TMEM45A: variants seen among roughly 807,000 people sequenced by gnomAD.
The protein encoded by TMEM45A is DNA polymerase-transactivated protein 4.
Under a neutral mutation model 32.0 loss-of-function variants are expected in TMEM45A, and 25 were observed. The ratio of observed to expected loss-of-function variants is 0.78; its 90% CI spans 0.57 to 1.09. The LOEUF is 1.09. Ranked by LOEUF, TMEM45A falls within the 50% of genes least tolerant of loss-of-function variation. The pLI, the probability that TMEM45A is intolerant of heterozygous loss-of-function variation, is 0.00. For missense variants in TMEM45A, 302 were observed against 325.0 expected (o/e 0.93, Z 0.54); for synonymous variants, 122 against 114.8 (o/e 1.06, Z -0.40).
chr3:100,507,371 T>C (rs1421311066), intron 1 of TMEM45A, among the ~76,000 whole-genome samples: 2 of 152,220 alleles, frequency 1.3e-5, no homozygotes, highest in Admixed American at 1.3e-4. Flanking sequence ...TCTTAAAATA[T>C]TGTAGCCCAG....
chr3:100,566,027 A>C (rs766686547), intron 4 of TMEM45A, among the ~76,000 whole-genome samples: 3 of 152,202 alleles, frequency 2.0e-5, no homozygotes, highest in Non-Finnish European at 4.4e-5. Flanking sequence ...ATCATAATAT[A>C]TGTGAACTTT....
chr3:100,549,420 G>A (rs1259469122), intron 1 of TMEM45A, among the ~76,000 whole-genome samples: 1 of 152,180 alleles, frequency 6.6e-6, no homozygotes, highest in African/African-American at 2.4e-5. Context: ...GCCTGCAAGA[G>A]TGGCAATATC....
At chr3:100,542,712 G>C (rs1336105608) in intron 1 of TMEM45A, among the ~76,000 whole-genome samples, 1 of 152,162 alleles carries the variant, frequency 6.6e-6, no homozygotes, top group Non-Finnish European at 1.5e-5. Context: ...CCATAAAAAG[G>C]AATGAAAATC....
chr3:100,535,867 T>C (rs542369123), intron 1 of TMEM45A, among the ~76,000 whole-genome samples: 43 of 152,314 alleles, frequency 2.8e-4, no homozygotes, highest in African/African-American at 9.4e-4. Context: ...AAAGTGAACA[T>C]GATCTTGGTT....
chr3:100,506,378 CA>C (rs1708081055), intron 1 of TMEM45A, among the ~76,000 whole-genome samples: 1 of 152,106 alleles, frequency 6.6e-6, no homozygotes, highest in Admixed American at 6.5e-5. Flanking sequence ...AATCCGGTGC[CA>C]AACAAGGTAA....
chr3:100,531,451 G>C (rs1705646415), intron 1 of TMEM45A, among the ~76,000 whole-genome samples: 2 of 152,306 alleles, frequency 1.3e-5, no homozygotes, highest in Non-Finnish European at 2.9e-5. Context: ...CTCAGAGCTG[G>C]AGTTTGCATT....
chr3:100,541,551 C>G (rs371348350), intron 1 of TMEM45A, among the ~76,000 whole-genome samples: 10 of 115,882 alleles, frequency 8.6e-5, no homozygotes, highest in African/African-American at 3.3e-4. Flanking sequence ...TTTTCTGAGA[C>G]AGGGTCTCAC....
chr3:100,568,864 G>T lies in TMEM45A; in HGVS notation c.631G>T (p.Asp211Tyr), dbSNP rs200191548. The T allele has an allele frequency of 1.2e-6, 2 of 1,613,636 alleles. No individual in the cohort carries two copies. Among genetic ancestry groups the T allele is most frequent in the African/African-American group, 1.3e-5 (1 of 74,898 alleles). The change falls in exon 5 of 6, where the codon GAT (aspartate) becomes TAT (tyrosine). Residue 211 changes from aspartate to tyrosine, a missense_variant. Transcript: ENST00000323523. ...TCCCCCCAGTGGAGGTCCTGCATGGGATCTGATGGATCATGAAAATATTTT... is the reference window on the plus strand; with the variant it reads ...TCCCCCCAGTGGAGGTCCTGCATGGTATCTGATGGATCATGAAAATATTTT... ...LYPPSGGPAWDLMDHENILFL... is the reference protein window; with the variant it reads ...LYPPSGGPAWYLMDHENILFL...
intron 1 of TMEM45A, among the ~76,000 whole-genome samples, chr3:100,517,519 G>T (rs957761394): frequency 6.6e-6 from 1 of 152,216 alleles, no homozygotes; most frequent in Non-Finnish European, 1.5e-5. Context: ...AGTTCTGTAA[G>T]TTCCTTTTCC....
chr3:100,530,377 C>T lies in TMEM45A; in HGVS notation c.-3-24832C>T, dbSNP rs116732465. Among the ~76,000 whole-genome samples the T allele has an allele frequency of 9.8e-3, 1,499 of 152,228 alleles. 22 individuals carry two copies. Among genetic ancestry groups the T allele is most frequent in the African/African-American group, 0.035 (1,451 of 41,518 alleles). ...CAGTTTTGAGGGAGAATTCATTCAT[C>T]CTAGAGAAGACCTCAGTCTTTTAAG... is the stretch of plus-strand genomic sequence containing the variant. On this transcript the variant is annotated intron_variant, in intron 1 of 5. Coordinates refer to ENST00000323523, the MANE Select transcript of TMEM45A (RefSeq NM_018004.3).
At chr3:100,515,232 T>A (rs894135766) in intron 1 of TMEM45A, among the ~76,000 whole-genome samples, 2 of 152,026 alleles carry the variant, frequency 1.3e-5, no homozygotes, top group African/African-American at 4.8e-5. Flanking sequence ...CCAACCCAAA[T>A]GTCCAACAAT....
intron 2 of TMEM45A, 73 bp from the exon 3 acceptor site, chr3:100,556,687 G>A (rs527945200): frequency 7.4e-7 from 1 of 1,352,284 alleles, no homozygotes; most frequent in Non-Finnish European, 1.0e-6. Flanking sequence ...ATAAGCAATG[G>A]ACTAGTCCTC....
intron 3 of TMEM45A, among the ~76,000 whole-genome samples, chr3:100,557,226 AC>A (rs1001827519): frequency 2.0e-4 from 30 of 152,218 alleles, no homozygotes; most frequent in African/African-American, 7.2e-4. Context: ...TCAAAGGACC[AC>A]TTACAAAGGT....
rs138035030 is a variant in TMEM45A, at chr3:100,568,437, T to A, written c.589-385T>A. ...CTGATATTAGGGGGAAAGATTTCAG[T>A]CTTTTACCATTAAATATAATGTTAA... On this transcript the variant is annotated intron_variant, in intron 4 of 5. Transcript: ENST00000323523. Among the ~76,000 whole-genome samples, 539 of 152,308 alleles carry A rather than the reference T, an allele frequency of 3.5e-3. 5 individuals carry two copies. The highest frequency in any genetic ancestry group is 5.3e-3 in the Non-Finnish European group (359 of 68,012).
chr3:100,513,075 A>C (rs1359380286), intron 1 of TMEM45A, among the ~76,000 whole-genome samples: 1,675 of 149,286 alleles, frequency 0.011, 15 homozygotes, highest in African/African-American at 0.039. Flanking sequence ...ATTCCTTCTG[A>C]AACTATTCCA....
chr3:100,512,922 C>G (rs1295752497), intron 1 of TMEM45A, among the ~76,000 whole-genome samples: 6 of 151,566 alleles, frequency 4.0e-5, no homozygotes, highest in African/African-American at 1.5e-4. Context: ...AAGACTAAAC[C>G]AGGAAGAAGT....
In TMEM45A at chr3:100,566,337, G is replaced by A. The variant is rs1706437657; in HGVS notation, c.589-2485G>A. ...TTAACTTCCTGAGGAATTGCAAAAC[G>A]GTTGCCACAGTAGCTGCAGAATTTT... is the stretch of plus-strand genomic sequence containing the variant. On this transcript the variant is annotated intron_variant, in intron 4 of 5. Transcript: ENST00000323523. Among the ~76,000 whole-genome samples, 4 of 151,992 alleles carry A rather than the reference G, an allele frequency of 2.6e-5. No individual in the cohort carries two copies. In the South Asian group the frequency reaches 8.3e-4, roughly 32 times the overall value.
At chr3:100,555,103 A>G in intron 1 of TMEM45A, 106 bp from the exon 2 acceptor site, 7 of 979,392 alleles carry the variant, frequency 7.1e-6, no homozygotes, top group Non-Finnish European at 1.1e-5. Flanking sequence ...TCAGTGATGT[A>G]TCCATAATAA....
intron 1 of TMEM45A, chr3:100,519,535 C>G: frequency 6.4e-7 from 1 of 1,550,602 alleles, no homozygotes; most frequent in Non-Finnish European, 8.7e-7. Flanking sequence ...TGCCACAGTT[C>G]TAACGTGCCT....
Sources: gnomAD v4.1 joint callset for allele counts (sites outside exome capture counted in the v4.1 genomes callset) on GRCh38, gnomAD v4.1.1 for gene constraint, MANE v1.5 for transcripts, NCBI Gene and HGNC (gene_info 2026-07-23, HGNC 2026-07-21) for gene names.